The following PRKCE variants were observed in gnomAD, a reference collection of about 807,000 sequenced individuals.
PRKCE encodes the protein protein kinase C epsilon type.
A neutral mutation model predicts 85.4 loss-of-function variants in PRKCE; 16 were observed. The observed-to-expected ratio is 0.19, with a 90% CI of 0.13 to 0.28. PRKCE has a LOEUF of 0.28. Among genes scored for constraint, PRKCE ranks in the 10% least tolerant of loss-of-function variants. The pLI is 1.00. For synonymous variants in PRKCE, 388 were observed against 371.5 expected, an observed-to-expected ratio of 1.04 and a Z score of -0.51; for missense variants, 573 against 975.2, an observed-to-expected ratio of 0.59 and a Z score of 5.49.
intron 10 of PRKCE, among the ~76,000 whole-genome samples, chr2:46,043,720 C>A (rs1708351875): frequency 6.6e-6 from 1 of 152,200 alleles, no homozygotes; most frequent in South Asian, 2.1e-4. Flanking sequence ...TCTGTTACTT[C>A]TGATTTTTCC....
chr2:45,925,532 G>A (rs181221467), intron 2 of PRKCE, among the ~76,000 whole-genome samples: 34 of 152,232 alleles, frequency 2.2e-4, no homozygotes, highest in Admixed American at 7.2e-4. Flanking sequence ...CTGACCTCAG[G>A]TGATCCACCC....
At chr2:45,940,910 A>G (rs1013655204) in intron 2 of PRKCE, among the ~76,000 whole-genome samples, 1 of 151,422 alleles carries the variant, frequency 6.6e-6, no homozygotes, top group African/African-American at 2.4e-5. Context: ...AATACAAAAA[A>G]AAAAAATTAG....
intron 1 of PRKCE, among the ~76,000 whole-genome samples, chr2:45,707,626 C>G (rs1317399680): frequency 6.6e-6 from 1 of 152,202 alleles, no homozygotes; most frequent in African/African-American, 2.4e-5. Context: ...AAGGATGTTT[C>G]CTTCAAATAT....
chr2:46,115,531 A>G (rs892756326), intron 11 of PRKCE, among the ~76,000 whole-genome samples: 1 of 152,210 alleles, frequency 6.6e-6, no homozygotes, highest in African/African-American at 2.4e-5. Flanking sequence ...GCTCCTCAGC[A>G]TTCTCCAGTG....
At chr2:45,730,568 T>G (rs1157860564) in intron 1 of PRKCE, among the ~76,000 whole-genome samples, 1 of 151,838 alleles carries the variant, frequency 6.6e-6, no homozygotes, top group Non-Finnish European at 1.5e-5. Context: ...CAGGCAATTC[T>G]TGTGCCTCAG....
At chr2:46,010,780 T>A (rs1558956262) in intron 10 of PRKCE, 1 of 1,595,342 alleles carries the variant, frequency 6.3e-7, no homozygotes, top group Admixed American at 1.7e-5. Flanking sequence ...ATGGCTAAAC[T>A]CACTGTTTGC....
intron 10 of PRKCE, among the ~76,000 whole-genome samples, chr2:46,035,202 G>A (rs1418517822): frequency 1.2e-4 from 18 of 152,174 alleles, no homozygotes; most frequent in Non-Finnish European, 1.2e-4. Flanking sequence ...TACACCACAG[G>A]CCTGCCCATA....
intron 10 of PRKCE, chr2:46,010,872 G>T: frequency 6.6e-7 from 1 of 1,505,512 alleles, no homozygotes; most frequent in African/African-American, 1.4e-5. Flanking sequence ...TAACTTCTAA[G>T]TTATTTTCAT....
At chr2:46,178,479 G>A (rs1307605472) in intron 14 of PRKCE, among the ~76,000 whole-genome samples, 1 of 152,190 alleles carries the variant, frequency 6.6e-6, no homozygotes, top group Admixed American at 6.5e-5. Context: ...ATTTTTGCCA[G>A]GCAGGGCACT....
intron 11 of PRKCE, among the ~76,000 whole-genome samples, chr2:46,121,186 C>T (rs934080041): frequency 6.6e-6 from 1 of 152,198 alleles, no homozygotes; most frequent in Non-Finnish European, 1.5e-5. Flanking sequence ...TTCACCCACC[C>T]TTTCAGCAAC....
intron 2 of PRKCE, among the ~76,000 whole-genome samples, chr2:45,952,120 A>T (rs977218261): frequency 6.6e-6 from 1 of 152,228 alleles, no homozygotes; most frequent in Non-Finnish European, 1.5e-5. Context: ...GGCATGAGCC[A>T]CTGTGCCCAG....
At chr2:45,877,610 C>T (rs939914529) in intron 2 of PRKCE, among the ~76,000 whole-genome samples, 2 of 152,062 alleles carry the variant, frequency 1.3e-5, no homozygotes, top group East Asian at 3.8e-4. Flanking sequence ...TATTCTAGGT[C>T]ACTATGTTTC....
chr2:45,731,973 A>G (rs947853015), intron 1 of PRKCE, among the ~76,000 whole-genome samples: 1 of 152,044 alleles, frequency 6.6e-6, no homozygotes. Context: ...ATGACCTCCT[A>G]CTCCACAGAA....
chr2:45,921,391 A>C (rs1422155777), intron 2 of PRKCE, among the ~76,000 whole-genome samples: 1 of 152,282 alleles, frequency 6.6e-6, no homozygotes, highest in Admixed American at 6.5e-5. Context: ...CCCTCTTAAA[A>C]GATGGGAGAA....
chr2:45,999,366 G>A (rs1411694227), intron 6 of PRKCE, among the ~76,000 whole-genome samples: 1 of 152,104 alleles, frequency 6.6e-6, no homozygotes, highest in African/African-American at 2.4e-5. Flanking sequence ...GAATTCTAGG[G>A]TGGTGGGGTT....
chr2:46,031,543 C>G lies in PRKCE; in HGVS notation c.1437+21026C>G, dbSNP rs76936645. Reference sequence around the variant, plus strand: ...AAGTCTTATCTCCCAAAATCACTGTCAGTACCCAAAGGCAGACACACAGTC... The same window carrying G: ...AAGTCTTATCTCCCAAAATCACTGTGAGTACCCAAAGGCAGACACACAGTC... On this transcript the variant is annotated intron_variant, in intron 10 of 14. Transcript: ENST00000306156. 2.4e-4 allele frequency among the ~76,000 whole-genome samples: 37 copies of G among 152,110 alleles called. 2 individuals are homozygous for G. The East Asian group carries it at 7.0e-3, about 29-fold the overall frequency.
At chr2:46,124,568 T>C (rs1207083303) in intron 11 of PRKCE, among the ~76,000 whole-genome samples, 1 of 152,174 alleles carries the variant, frequency 6.6e-6, no homozygotes, top group Non-Finnish European at 1.5e-5. Flanking sequence ...TTGTGTTCAT[T>C]CCCCAGTTAG....
intron 1 of PRKCE, among the ~76,000 whole-genome samples, chr2:45,832,766 G>A (rs915598643): frequency 3.3e-5 from 5 of 152,268 alleles, no homozygotes; most frequent in East Asian, 1.9e-4. Flanking sequence ...TGGAGAACCC[G>A]GCTTTAACGC....
At chr2:45,741,867 A>G (rs1000497552) in intron 1 of PRKCE, among the ~76,000 whole-genome samples, 6 of 152,216 alleles carry the variant, frequency 3.9e-5, no homozygotes, top group Non-Finnish European at 7.3e-5. Flanking sequence ...CCAGAAGGCC[A>G]TGGGTTACCC....
Sources: gnomAD v4.1 joint callset for allele counts (sites outside exome capture counted in the v4.1 genomes callset) on GRCh38, gnomAD v4.1.1 for gene constraint, MANE v1.5 for transcripts, NCBI Gene and HGNC (gene_info 2026-07-23, HGNC 2026-07-21) for gene names.